The following GAS7 variants were observed in gnomAD, a reference collection of about 807,000 sequenced individuals.
GAS7 encodes the protein growth arrest specific 7, also known as growth arrest-specific protein 7.
Under a neutral mutation model 71.1 loss-of-function variants are expected in GAS7, and 28 were observed. That is an observed-to-expected ratio of 0.39 (90% CI 0.29 to 0.54). The LOEUF (loss-of-function observed/expected upper bound fraction) is 0.54, where lower values mean the gene tolerates loss of function less well. GAS7 is among the 20% of genes least tolerant of loss of function. GAS7 has a pLI of 0.62. For synonymous variants in GAS7, 258 were observed against 245.8 expected, an observed-to-expected ratio of 1.05 and a Z score of -0.46; for missense variants, 436 against 627.8, an observed-to-expected ratio of 0.69 and a Z score of 3.27.
intron 1 of GAS7, among the ~76,000 whole-genome samples, chr17:10,076,372 A>AGGGGAGGGGAAG (rs1183734590): frequency 1.6e-5 from 1 of 64,356 alleles, no homozygotes; most frequent in Non-Finnish European, 2.7e-5. Flanking sequence ...GGGACAGAAA[A>AGGGGAGGGGAAG]GGGGAGGGGA....
At position 10,060,964 on chromosome 17, in the gene GAS7, C is replaced by T. The variant is rs757523903; in HGVS notation, c.184-41067G>A. On this transcript the variant is annotated intron_variant, in intron 1 of 13. Coordinates refer to ENST00000432992, the MANE Select transcript of GAS7 (RefSeq NM_201433.2). ...TGAGTGCATTAGCTCCCTGCAGAGA[C>T]CTCTGTTGTTTCCAAAGAGACACCT... Among the ~76,000 whole-genome samples the T allele has an allele frequency of 5.3e-5, 8 of 152,316 alleles. 1 individual carries two copies.
intron 1 of GAS7, among the ~76,000 whole-genome samples, chr17:10,048,144 A>G (rs2073006648): frequency 6.6e-6 from 1 of 152,202 alleles, no homozygotes; most frequent in African/African-American, 2.4e-5. Flanking sequence ...TCTACTAAAA[A>G]TACAAAAATT....
At position 9,913,297 on chromosome 17, in the gene GAS7, T is replaced by A; in HGVS notation, c.*3931A>T. 1 of 232,436 alleles carries A rather than the reference T, an allele frequency of 4.3e-6. No individual in the cohort carries two copies. The highest frequency in any genetic ancestry group is 8.5e-6 in the Non-Finnish European group (1 of 117,452). 14.4% of individuals were successfully genotyped at this position (232,436 alleles called of 1,614,324 possible). On this transcript the variant is annotated 3_prime_UTR_variant, in exon 14 of 14. Transcript: ENST00000432992. ...CAGCTGATCTGTACCCCACTTAACA[T>A]TAGAAGTGCTCTCTCCGACCTACAC...
intron 1 of GAS7, among the ~76,000 whole-genome samples, chr17:10,197,756 G>A (rs961438045): frequency 3.1e-4 from 47 of 152,134 alleles, no homozygotes; most frequent in Admixed American, 2.0e-4. Context: ...CAGCACGACC[G>A]TCCACGGGTC....
chr17:9,994,182 T>G (rs1597635157), intron 2 of GAS7, among the ~76,000 whole-genome samples: 1 of 150,664 alleles, frequency 6.6e-6, no homozygotes, highest in Non-Finnish European at 1.5e-5. Flanking sequence ...AAAAACTACT[T>G]TAAAGTTCAT....
At chr17:10,178,913 C>T (rs1184875901) in intron 1 of GAS7, among the ~76,000 whole-genome samples, 1 of 151,860 alleles carries the variant, frequency 6.6e-6, no homozygotes, top group Admixed American at 6.6e-5. Context: ...CAACCACCAC[C>T]TTGGAGGATC....
chr17:10,171,690 G>A (rs1300411228), intron 1 of GAS7, among the ~76,000 whole-genome samples: 3 of 152,188 alleles, frequency 2.0e-5, no homozygotes, highest in Non-Finnish European at 4.4e-5. Flanking sequence ...TGTAAGGGAC[G>A]GGTGAAGCAG....
At chr17:10,174,366 C>T (rs2074356126) in intron 1 of GAS7, among the ~76,000 whole-genome samples, 1 of 152,190 alleles carries the variant, frequency 6.6e-6, no homozygotes, top group African/African-American at 2.4e-5. Flanking sequence ...GAGCACTAAA[C>T]AGAGACCTGG....
At chr17:10,056,050 T>C (rs1456591437) in intron 1 of GAS7, among the ~76,000 whole-genome samples, 2 of 152,210 alleles carry the variant, frequency 1.3e-5, no homozygotes, top group African/African-American at 4.8e-5. Context: ...GGCACTTAGA[T>C]GATAGTCATA....
intron 1 of GAS7, among the ~76,000 whole-genome samples, chr17:10,115,074 G>T (rs2142070542): frequency 6.6e-6 from 1 of 152,348 alleles, no homozygotes; most frequent in South Asian, 2.1e-4. Context: ...CCAGACCCAA[G>T]CTGGCACTGG....
At chr17:10,027,923 C>T (rs925957279) in intron 1 of GAS7, among the ~76,000 whole-genome samples, 1 of 152,160 alleles carries the variant, frequency 6.6e-6, no homozygotes. Flanking sequence ...CTCACTCTGT[C>T]GCCAGGCTGG....
At chr17:9,947,057 G>T in intron 5 of GAS7, 74 bp from the exon 6 acceptor site, 1 of 970,276 alleles carries the variant, frequency 1.0e-6, no homozygotes, top group South Asian at 1.3e-5. Context: ...GCTCCTGGGG[G>T]ACACGGCACT....
In GAS7 at chr17:9,926,603, C is replaced by T. The variant is rs776765157; in HGVS notation, c.1014+38G>A. ...GTCCCCCTTCTTCCAGGCAGTCCCC[C>T]ATGCACCTGCCCTGGCCCAGCGTCC... On this transcript the variant is annotated intron_variant, in intron 10 of 13. Transcript: ENST00000432992. The surrounding 1 kb of genome is among the most constrained non-coding windows in gnomAD (Gnocchi z 5.0). The T allele has an allele frequency of 5.5e-5, 89 of 1,606,216 alleles. 3 individuals are homozygous for T. In the South Asian group the frequency reaches 9.5e-4, roughly 17 times the overall value.
intron 3 of GAS7, among the ~76,000 whole-genome samples, chr17:9,975,538 C>G (rs550642955): frequency 1.5e-4 from 23 of 151,448 alleles, no homozygotes; most frequent in Non-Finnish European, 2.9e-4. Context: ...CTCACCCCCC[C>G]CTTTTTCCTT....
At chr17:10,168,913 T>C (rs533553093) in intron 1 of GAS7, among the ~76,000 whole-genome samples, 3 of 145,180 alleles carry the variant, frequency 2.1e-5, no homozygotes, top group African/African-American at 7.8e-5. Context: ...GAGCTTGCAG[T>C]GAGCCGAGAT....
chr17:10,112,402 G>A (rs1324338610), intron 1 of GAS7, among the ~76,000 whole-genome samples: 1 of 152,166 alleles, frequency 6.6e-6, no homozygotes. Context: ...AGATGAGAGA[G>A]AGGAGGGAAG....
chr17:10,070,334 CTCTCT>C (rs2073326297), intron 1 of GAS7, among the ~76,000 whole-genome samples: 1 of 145,030 alleles, frequency 6.9e-6, no homozygotes, highest in African/African-American at 2.5e-5. Flanking sequence ...CCTTCGTTCT[CTCTCT>C]TCTTTTTTTT....
intron 1 of GAS7, among the ~76,000 whole-genome samples, chr17:10,159,470 A>G (rs922264053): frequency 7.9e-5 from 12 of 152,184 alleles, no homozygotes; most frequent in African/African-American, 2.9e-4. Flanking sequence ...CACAGCAATG[A>G]GAATGAACTA....
intron 11 of GAS7, among the ~76,000 whole-genome samples, chr17:9,922,398 C>T (rs990792069): frequency 2.0e-5 from 3 of 152,196 alleles, no homozygotes; most frequent in Non-Finnish European, 2.9e-5. Flanking sequence ...GTGGCTTCGC[C>T]GCTCCACCAC....
Sources: allele counts gnomAD v4.1 joint callset (sites outside exome capture counted in the v4.1 genomes callset), GRCh38; gene constraint gnomAD v4.1.1; non-coding constraint Gnocchi (gnomAD v3.1); transcripts MANE v1.5; gene names NCBI Gene and HGNC (gene_info 2026-07-23, HGNC 2026-07-21).